The following IL19 variants were observed in gnomAD, a reference collection of about 807,000 sequenced individuals.
The protein encoded by IL19 is interleukin 19.
IL19 carries 15 observed loss-of-function variants against 19.5 expected under a neutral mutation model. The ratio of observed to expected loss-of-function variants is 0.77; its 90% CI spans 0.52 to 1.19. The LOEUF (loss-of-function observed/expected upper bound fraction) is 1.19. IL19 is among the 50% of genes most tolerant of loss of function. The probability of loss-of-function intolerance (pLI) is 0.00; values close to 1 mark genes in which losing one functional copy is unlikely to be tolerated. For missense variants in IL19, 199 were observed against 213.1 expected (o/e 0.93, Z 0.41); for synonymous variants, 78 against 78.3 (o/e 1.00, Z 0.02).
intron 2 of IL19, among the ~76,000 whole-genome samples, chr1:206,810,162 G>A (rs1411389034): frequency 6.6e-6 from 1 of 152,210 alleles, no homozygotes; most frequent in Non-Finnish European, 1.5e-5. Flanking sequence ...ATATGTGTGA[G>A]AATAGATTCT....
At chr1:206,783,749 G>A (rs573879839) in intron 1 of IL19, among the ~76,000 whole-genome samples, 339 of 152,284 alleles carry the variant, frequency 2.2e-3, no homozygotes, top group African/African-American at 7.7e-3. Flanking sequence ...TAAGTGTGCG[G>A]GCCCTGGAGT....
chr1:206,800,635 C>A lies in IL19; in HGVS notation c.-3+1629C>A, dbSNP rs545063813. Among the ~76,000 whole-genome samples the A allele has an allele frequency of 3.3e-4, 50 of 152,278 alleles. 2 individuals carry two copies. In the South Asian group the frequency reaches 4.8e-3, roughly 15 times the overall value. On this transcript the variant is annotated intron_variant, in intron 2 of 6. Coordinates refer to ENST00000659997, the MANE Select transcript of IL19 (RefSeq NM_153758.5). ...AGGAAACCGGGATGGGGAAAGGAGA[C>A]AGGAATGATGGTGATCAAGCCCTTC...
chr1:206,789,515 T>C (rs1345214441), intron 1 of IL19, among the ~76,000 whole-genome samples: 2 of 152,178 alleles, frequency 1.3e-5, no homozygotes, highest in African/African-American at 4.8e-5. Context: ...AGGACATTAT[T>C]TTATACTTTT....
At chr1:206,776,877 C>A (rs913220668) in intron 1 of IL19, among the ~76,000 whole-genome samples, 1 of 130,472 alleles carries the variant, frequency 7.7e-6, no homozygotes, top group Non-Finnish European at 1.6e-5. Flanking sequence ...TGTATGGGAG[C>A]TCTGTTTTCA....
chr1:206,833,197 T>C (rs1168787341), intron 2 of IL19, among the ~76,000 whole-genome samples: 1 of 152,230 alleles, frequency 6.6e-6, no homozygotes, highest in Non-Finnish European at 1.5e-5. Context: ...ATAGAATGAG[T>C]GGTCCCATGA....
At chr1:206,792,787 A>G (rs1367319716) in intron 1 of IL19, among the ~76,000 whole-genome samples, 1 of 151,990 alleles carries the variant, frequency 6.6e-6, no homozygotes, top group Non-Finnish European at 1.5e-5. Flanking sequence ...CCCATCTTAT[A>G]GGTGAGGAAT....
chr1:206,781,414 CAAAAAAAAA>C lies in IL19; in HGVS notation c.-149+10352_-149+10360del, dbSNP rs57060549. Among the ~76,000 whole-genome samples, 13 of 43,026 alleles carry C rather than the reference CAAAAAAAAA, an allele frequency of 3.0e-4. No individual in the cohort carries two copies. The South Asian group carries it at 0.014, about 46-fold the overall frequency. The allele number at this position is 43,026 out of a possible 152,430, so 28.2% of individuals were successfully genotyped here. Reference sequence around the variant, plus strand: ...TGGGCGACAGAGCAAGACTCTGTCTCAAAAAAAAAAAAAAAAAAAAAAAAGAAAAAAAAA... The same window carrying C: ...TGGGCGACAGAGCAAGACTCTGTCTCAAAAAAAAAAAAAAAGAAAAAAAAA... On this transcript the variant is annotated intron_variant, in intron 1 of 6. Transcript: ENST00000659997.
intron 2 of IL19, among the ~76,000 whole-genome samples, chr1:206,833,377 C>T (rs1304114397): frequency 1.3e-5 from 2 of 152,250 alleles, no homozygotes; most frequent in African/African-American, 4.8e-5. Context: ...TGGCTATTAT[C>T]TTTCTCTCTC....
chr1:206,814,857 T>C (rs1676112718), intron 2 of IL19, among the ~76,000 whole-genome samples: 2 of 152,056 alleles, frequency 1.3e-5, no homozygotes, highest in African/African-American at 4.8e-5. Context: ...AATAGAAGAT[T>C]AGAAGTTAGA....
chr1:206,771,400 G>A (rs953790639), intron 1 of IL19: 2 of 1,611,848 alleles, frequency 1.2e-6, no homozygotes, highest in Non-Finnish European at 1.7e-6. Context: ...AAGTTGTCCA[G>A]CTGATCCTTC....
At chr1:206,808,721 G>C (rs17016339) in intron 2 of IL19, among the ~76,000 whole-genome samples, 42,512 of 152,066 alleles carry the variant, frequency 0.28, 6,125 homozygotes, top group East Asian at 0.42. Context: ...ATCCACCTTA[G>C]AGGGGCTTGT....
chr1:206,834,519 C>T, intron 2 of IL19: 1 of 856,612 alleles, frequency 1.2e-6, no homozygotes, highest in Non-Finnish European at 1.4e-6. Flanking sequence ...GTTCCAGATG[C>T]TGGGCATTTG....
intron 2 of IL19, chr1:206,833,824 A>T: frequency 1.5e-5 from 15 of 985,540 alleles, no homozygotes; most frequent in Non-Finnish European, 1.8e-5. Context: ...GAGGGGAAAA[A>T]GTGTTCCTCA....
Position 206,836,947 on chromosome 1 carries a change from T to A in IL19, c.145-11T>A. ...GATTGCTTATGTCTGTTCTTATGTT[T>A]CCCTCCACAGCAAGCTAAGGACACC... is the stretch of plus-strand genomic sequence containing the variant. On this transcript the variant is annotated splice_polypyrimidine_tract_variant and intron_variant, in intron 3 of 6. Transcript: ENST00000659997. 1 of 1,612,952 alleles carries A rather than the reference T, an allele frequency of 6.2e-7. No individual in the cohort carries two copies. The highest frequency in any genetic ancestry group is 1.7e-5 in the Admixed American group (1 of 60,022).
chr1:206,835,840 T>C (rs1676771627), intron 2 of IL19, among the ~76,000 whole-genome samples: 1 of 152,290 alleles, frequency 6.6e-6, no homozygotes. Context: ...CACTTTTCTC[T>C]GTGCGCATTA....
At chr1:206,795,754 C>A (rs1037681594) in intron 1 of IL19, among the ~76,000 whole-genome samples, 1 of 152,128 alleles carries the variant, frequency 6.6e-6, no homozygotes, top group African/African-American at 2.4e-5. Flanking sequence ...AGTTATCCCC[C>A]ATAGCCCACT....
At chr1:206,783,652 C>T (rs1473640087) in intron 1 of IL19, among the ~76,000 whole-genome samples, 1 of 152,212 alleles carries the variant, frequency 6.6e-6, no homozygotes, top group East Asian at 1.9e-4. Flanking sequence ...CAACCCCCAG[C>T]CCTACCCTGG....
intron 2 of IL19, among the ~76,000 whole-genome samples, chr1:206,808,239 G>A (rs12407461): frequency 0.3 from 45,116 of 152,164 alleles, 6,912 homozygotes; most frequent in African/African-American, 0.35. Flanking sequence ...GCTGAGGCAC[G>A]AAAATCACTT....
chr1:206,797,355 C>T (rs1254234490), intron 1 of IL19, among the ~76,000 whole-genome samples: 1 of 152,058 alleles, frequency 6.6e-6, no homozygotes, highest in Admixed American at 6.5e-5. Flanking sequence ...GTACATCCTC[C>T]TAAGCAGACA....
Sources: allele counts gnomAD v4.1 joint callset (sites outside exome capture counted in the v4.1 genomes callset), GRCh38; gene constraint gnomAD v4.1.1; transcripts MANE v1.5; gene names NCBI Gene and HGNC (gene_info 2026-07-23, HGNC 2026-07-21).